Variants in E4F1 observed in about 807,000 individuals in gnomAD.
The protein encoded by E4F1 is E4F transcription factor 1, also known as transcription factor E4F1.
E4F1 carries 30 observed loss-of-function variants against 72.9 expected under a neutral mutation model. The observed-to-expected ratio is 0.41, with a 90% CI of 0.31 to 0.56. E4F1 has a LOEUF of 0.56. E4F1 is among the 20% of genes least tolerant of loss of function. The probability of loss-of-function intolerance (pLI) is 0.25; values close to 1 mark genes in which losing one functional copy is unlikely to be tolerated. For missense variants in E4F1, 1,091 were observed against 1,117.5 expected (o/e 0.98, Z 0.34); for synonymous variants, 542 against 478.2 (o/e 1.13, Z -1.74).
chr16:2,235,413 C>T lies in E4F1; in HGVS notation c.2196C>T (p.Ser732=), dbSNP rs368189091. Reference sequence around the variant, plus strand: ...CCATGACGCTGGCCTCGGCCATCAGCGAGGGCACTGTGCTTGCCGCCCGGG... The same window carrying T: ...CCATGACGCTGGCCTCGGCCATCAGTGAGGGCACTGTGCTTGCCGCCCGGG... ...QVAMTLASAI[S]EGTVLAARAG... is the part of the protein sequence containing the mutation. Residue 732 remains serine, a synonymous_variant, in exon 14 of 14, where the codon AGC becomes AGT. Coordinates refer to ENST00000301727, the MANE Select transcript of E4F1 (RefSeq NM_004424.5). The T allele has an allele frequency of 1.9e-4, 305 of 1,612,070 alleles. No homozygotes were observed. Among genetic ancestry groups the T allele is most frequent in the Admixed American group, 5.5e-4 (33 of 59,994 alleles).
chr16:2,229,037 G>C (rs1567298757), intron 2 of E4F1, among the ~76,000 whole-genome samples: 1 of 152,366 alleles, frequency 6.6e-6, no homozygotes, highest in East Asian at 1.9e-4. Flanking sequence ...GGTCAGGAGA[G>C]CAGGCTCAGA....
intron 3 of E4F1, 152 bp downstream of exon 3, chr16:2,229,827 C>A: frequency 2.6e-6 from 2 of 758,050 alleles, no homozygotes; most frequent in Non-Finnish European, 4.3e-6. Context: ...GCGGGCACAG[C>A]CTGCAGGAGG....
intron 3 of E4F1, chr16:2,230,807 A>T (rs944224866): frequency 1.3e-5 from 2 of 152,190 alleles, no homozygotes; most frequent in African/African-American, 4.8e-5. Context: ...TTCATGTGGG[A>T]GGTGGGGCGG....
chr16:2,229,775 G>A (rs1024667911), intron 3 of E4F1, 100 bp downstream of exon 3: 9 of 1,340,156 alleles, frequency 6.7e-6, no homozygotes, highest in Middle Eastern at 1.8e-4. Flanking sequence ...CCCGAGACCA[G>A]GGCCTGGCTG....
In E4F1 at chr16:2,234,951, T is replaced by C; in HGVS notation, c.1885T>C (p.Leu629=). Residue 629 remains leucine, a synonymous_variant, in exon 12 of 14, where the codon TTG becomes CTG. Transcript: ENST00000301727. ...CCTCACGGAAGACCCGCACACAGTG[T>C]TGGTGGAGTTCTCGTCCGTGGTAGC... ...TVLTEDPHTV[L]VEFSSVVADT... is the part of the protein sequence containing the mutation. The C allele has an allele frequency of 6.3e-7, 1 of 1,588,130 alleles. No individual in the cohort carries two copies. Among genetic ancestry groups the C allele is most frequent in the Non-Finnish European group, 8.6e-7 (1 of 1,167,174 alleles).
At position 2,232,571 on chromosome 16, in the gene E4F1, A is replaced by G. The variant is rs755698323; in HGVS notation, c.725A>G (p.His242Arg). 1 of 1,612,126 alleles carries G rather than the reference A, an allele frequency of 6.2e-7. No individual in the cohort carries two copies. Among genetic ancestry groups the G allele is most frequent in the South Asian group, 1.1e-5 (1 of 91,052 alleles). The stretch of plus-strand genomic sequence containing the variant: ...TCACTCATCCGGCACCACCGGCGGC[A>G]CACGGGTGAGCTGGCCGCACCTCGG... ...KGSLIRHHRRHTDERPYKCSK... is the reference protein window; with the variant it reads ...KGSLIRHHRRRTDERPYKCSK... The change falls in exon 5 of 14, where the codon CAC becomes CGC. Residue 242 changes from histidine (H) to arginine (R), a missense_variant. This residue lies in a region of E4F1 where 362 missense variants were observed against 358.6 expected (regional missense o/e 1.01). Coordinates refer to ENST00000301727, the MANE Select transcript of E4F1 (RefSeq NM_004424.5).
At chr16:2,227,825 A>AC (rs967495362) in intron 1 of E4F1, among the ~76,000 whole-genome samples, 1 of 130,356 alleles carries the variant, frequency 7.7e-6, no homozygotes, top group Non-Finnish European at 1.7e-5. Context: ...TGTTTTAAAA[A>AC]CTTTTTTTTT....
Position 2,235,010 on chromosome 16 carries a change from G to C in E4F1, c.1935+9G>C, listed in dbSNP as rs1286382809. 1 of 1,611,586 alleles carries C rather than the reference G, an allele frequency of 6.2e-7. No homozygotes were observed. Among genetic ancestry groups the C allele is most frequent in the Admixed American group, 1.7e-5 (1 of 59,874 alleles). ...AGGAGTATATCATCGAGGTGGGTGT[G>C]GGGCCCTGGGGCCGTGCTGGGACCC... On this transcript the variant is annotated intron_variant, in intron 12 of 13. Transcript: ENST00000301727.
Position 2,229,637 on chromosome 16 carries a change from C to A in E4F1, c.377C>A (p.Ser126Tyr). ...TVAHIVVEAA[S>Y]LAADISHASD... ...GCCCACATCGTGGTGGAGGCGGCCT[C>A]TCTGGCAGCAGACATCAGCCACGCA... is the stretch of plus-strand genomic sequence containing the variant. Residue 126 changes from serine to tyrosine, a missense_variant, in exon 3 of 14, where the codon TCT (serine) becomes TAT (tyrosine). Ser to Tyr is a moderately radical substitution (Grantham distance 144, BLOSUM62 -2). This residue lies in a region of E4F1 where 362 missense variants were observed against 358.6 expected (regional missense o/e 1.01). Transcript: ENST00000301727. 1 of 1,613,014 alleles carries A rather than the reference C, an allele frequency of 6.2e-7. No individual in the cohort carries two copies. The highest frequency in any genetic ancestry group is 8.5e-7 in the Non-Finnish European group (1 of 1,179,988).
In E4F1 at chr16:2,233,908, G is replaced by C. The variant is rs1416736263; in HGVS notation, c.1293G>C (p.Val431=). 4.4e-6 allele frequency: 7 copies of C among 1,601,380 alleles called. No homozygotes were observed. Among genetic ancestry groups the C allele is most frequent in the Non-Finnish European group, 6.0e-6 (7 of 1,174,550 alleles). ...ETQVASEASA[V]PRTHPCPQCS... ...AGGTGGCCAGCGAGGCCTCAGCGGT[G>C]CCCAGGACCCACCCATGTCCTCAGT... The change falls in exon 9 of 14, where the codon GTG becomes GTC. Residue 431 remains valine (V), a synonymous_variant. Coordinates refer to ENST00000301727, the MANE Select transcript of E4F1 (RefSeq NM_004424.5).
rs763880051 is a variant in E4F1 at position 2,233,935 on chromosome 16, C to T, written c.1320C>T (p.Cys440=). 3 of 1,603,956 alleles carry T rather than the reference C, an allele frequency of 1.9e-6. No individual in the cohort carries two copies. The highest frequency in any genetic ancestry group is 3.4e-5 in the Admixed American group (2 of 58,910). The change falls in exon 9 of 14, where the codon TGC becomes TGT. Residue 440 remains cysteine (C), a synonymous_variant. Transcript: ENST00000301727. ...CCAGGACCCACCCATGTCCTCAGTGCAGTGAGACCTTCCCGACAGCAGCCA... is the reference window on the plus strand; with the variant it reads ...CCAGGACCCACCCATGTCCTCAGTGTAGTGAGACCTTCCCGACAGCAGCCA... ...AVPRTHPCPQ[C]SETFPTAATL... is the part of the protein sequence containing the mutation.
In E4F1 at chr16:2,233,135, C is replaced by T. The variant is rs778472592; in HGVS notation, c.1008C>T (p.His336=). 4.7e-5 allele frequency: 75 copies of T among 1,612,012 alleles called. No individual in the cohort carries two copies. In the South Asian group the frequency reaches 6.2e-4, roughly 13 times the overall value. Residue 336 remains histidine, a synonymous_variant, in exon 7 of 14, where the codon CAC becomes CAT. Coordinates refer to ENST00000301727, the MANE Select transcript of E4F1 (RefSeq NM_004424.5). ...AGGGCACCGTCATCCACGAAGTCCACGTCCAGATGCAGGAGCTGTCCCTGG... is the reference window on the plus strand; with the variant it reads ...AGGGCACCGTCATCCACGAAGTCCATGTCCAGATGCAGGAGCTGTCCCTGG... ...DAKGTVIHEV[H]VQMQELSLGM...
Position 2,229,461 on chromosome 16 carries a change from C to T in E4F1, c.310-109C>T. On this transcript the variant is annotated intron_variant, in intron 2 of 13. Coordinates refer to ENST00000301727, the MANE Select transcript of E4F1 (RefSeq NM_004424.5). Reference sequence around the variant, plus strand: ...AAGGACGTGGACCCAGGCCTGAGCACCACAAGTCACACCTCCACAGCTTTA... The same window carrying T: ...AAGGACGTGGACCCAGGCCTGAGCATCACAAGTCACACCTCCACAGCTTTA... 3 of 1,213,328 alleles carry T rather than the reference C, an allele frequency of 2.5e-6. No individual in the cohort carries two copies. In the East Asian group the frequency reaches 7.1e-5, roughly 29 times the overall value. 75.2% of individuals were successfully genotyped at this position (1,213,328 alleles called of 1,614,324 possible).
At chr16:2,226,281 G>C (rs1242856907) in intron 1 of E4F1, among the ~76,000 whole-genome samples, 2 of 152,190 alleles carry the variant, frequency 1.3e-5, no homozygotes, top group Non-Finnish European at 2.9e-5. Context: ...AGGTTGCTGG[G>C]CCTGCTTGTG....
At chr16:2,234,021 C>A in intron 9 of E4F1, 31 bp downstream of exon 9, 1 of 1,557,310 alleles carries the variant, frequency 6.4e-7, no homozygotes, top group Non-Finnish European at 8.7e-7. Context: ...TGGCCCATGG[C>A]AGTGGATGGG....
At chr16:2,232,640 C>T (rs2093475101) in intron 5 of E4F1, 64 bp downstream of exon 5, 9 of 1,604,374 alleles carry the variant, frequency 5.6e-6, no homozygotes, top group Non-Finnish European at 7.7e-6. Context: ...TGGGGTGCCC[C>T]AGCCTCGCAT....
chr16:2,227,750 C>T (rs2093440696), intron 1 of E4F1, among the ~76,000 whole-genome samples: 1 of 151,972 alleles, frequency 6.6e-6, no homozygotes, highest in African/African-American at 2.4e-5. Context: ...ATACACCTGT[C>T]TCAGCCTCCC....
chr16:2,226,669 C>T (rs529675186), intron 1 of E4F1, among the ~76,000 whole-genome samples: 6 of 152,328 alleles, frequency 3.9e-5, no homozygotes, highest in Non-Finnish European at 8.8e-5. Context: ...CAGGTACTGT[C>T]CCTGACACTC....
In E4F1 at chr16:2,234,577, C is replaced by A; in HGVS notation, c.1594-6C>A. Reference sequence around the variant, plus strand: ...GCCAGGCTGGCACTGACAGGTGTCTCCACAGAACGCACAGCAGGTGCACTT... The same window carrying A: ...GCCAGGCTGGCACTGACAGGTGTCTACACAGAACGCACAGCAGGTGCACTT... On this transcript the variant is annotated splice_polypyrimidine_tract_variant and splice_region_variant and intron_variant, in intron 10 of 13. Transcript: ENST00000301727. 1 of 1,580,446 alleles carries A rather than the reference C, an allele frequency of 6.3e-7. No homozygotes were observed. The highest frequency in any genetic ancestry group is 1.1e-5 in the South Asian group (1 of 87,368).
Sources: allele counts gnomAD v4.1 joint callset (sites outside exome capture counted in the v4.1 genomes callset), GRCh38; gene constraint gnomAD v4.1.1; regional missense constraint gnomAD v4.1.1; transcripts MANE v1.5; gene names NCBI Gene and HGNC (gene_info 2026-07-23, HGNC 2026-07-21).